PCP4: variants seen among roughly 807,000 people sequenced by gnomAD.
PCP4 encodes Purkinje cell protein 4.
In PCP4, 8 loss-of-function variants were observed where a neutral mutation model predicts 10.0. The observed-to-expected ratio is 0.80, with a 90% CI of 0.47 to 1.45. The LOEUF (loss-of-function observed/expected upper bound fraction) is 1.45, where lower values mean the gene tolerates loss of function less well. Ranked by LOEUF, PCP4 falls within the 40% of genes most tolerant of loss-of-function variation. The probability of loss-of-function intolerance (pLI) is 0.00; values close to 1 mark genes in which losing one functional copy is unlikely to be tolerated. For synonymous variants in PCP4, 21 were observed against 23.0 expected (o/e 0.91, Z 0.24); for missense variants, 54 against 74.4 (o/e 0.73, Z 1.01).
intron 1 of PCP4, among the ~76,000 whole-genome samples, chr21:39,885,895 A>T (rs1229208332): frequency 6.6e-6 from 1 of 152,210 alleles, no homozygotes; most frequent in Non-Finnish European, 1.5e-5. Context: ...ATAGTTCTGG[A>T]GACCAGAAGT....
chr21:39,887,454 A>T (rs2087406117), intron 1 of PCP4, among the ~76,000 whole-genome samples: 1 of 151,096 alleles, frequency 6.6e-6, no homozygotes. Flanking sequence ...TTGGAATGTT[A>T]TTAGGAGAAT....
chr21:39,925,798 C>T (rs2087618213), intron 2 of PCP4, among the ~76,000 whole-genome samples: 1 of 152,134 alleles, frequency 6.6e-6, no homozygotes, highest in Admixed American at 6.5e-5. Context: ...CAGGGCCACC[C>T]TGCTCCTGTG....
At chr21:39,911,615 A>G (rs2146344840) in intron 2 of PCP4, among the ~76,000 whole-genome samples, 1 of 152,342 alleles carries the variant, frequency 6.6e-6, no homozygotes, top group South Asian at 2.1e-4. Context: ...CCTGGTACCA[A>G]CCAAGCACTA....
intron 1 of PCP4, among the ~76,000 whole-genome samples, chr21:39,886,156 A>G (rs1298982585): frequency 6.6e-6 from 1 of 152,196 alleles, no homozygotes; most frequent in Non-Finnish European, 1.5e-5. Flanking sequence ...ACTGTGGGGT[A>G]CTTGGGGTTA....
At chr21:39,907,934 A>C (rs906389436) in intron 2 of PCP4, among the ~76,000 whole-genome samples, 2 of 152,210 alleles carry the variant, frequency 1.3e-5, no homozygotes, top group Non-Finnish European at 2.9e-5. Flanking sequence ...CCATTGTACC[A>C]AGTGCCTTTT....
At chr21:39,867,928 A>G (rs1035752394) in intron 1 of PCP4, among the ~76,000 whole-genome samples, 2 of 152,164 alleles carry the variant, frequency 1.3e-5, no homozygotes, top group African/African-American at 4.8e-5. Flanking sequence ...CAAGGTGGGG[A>G]AAGGGCTGGC....
chr21:39,873,360 A>C (rs141898846), intron 1 of PCP4, among the ~76,000 whole-genome samples: 244 of 152,344 alleles, frequency 1.6e-3, no homozygotes, highest in African/African-American at 5.7e-3. Context: ...ATTGCAAGGA[A>C]ATAATTTAAT....
chr21:39,912,666 C>T (rs953567048), intron 2 of PCP4, among the ~76,000 whole-genome samples: 4 of 152,072 alleles, frequency 2.6e-5, no homozygotes, highest in African/African-American at 4.8e-5. Flanking sequence ...TGCCATTTTC[C>T]GGGGTGATTC....
chr21:39,890,549 A>G lies in PCP4; in HGVS notation c.10-7927A>G, dbSNP rs568016081. Among the ~76,000 whole-genome samples the G allele has an allele frequency of 8.0e-5, 12 of 150,028 alleles. No individual in the cohort carries two copies. The South Asian group carries it at 2.6e-3, about 32-fold the overall frequency. On this transcript the variant is annotated intron_variant, in intron 1 of 2. Transcript: ENST00000328619. ...TTTTTTTTTTTTAATTTTCATTTTT[A>G]GTAGAGACGGGTTTTCACCATGTTG...
Position 39,906,998 on chromosome 21 carries a change from G to A in PCP4, c.61+8471G>A, listed in dbSNP as rs1601183990. The stretch of plus-strand genomic sequence containing the variant: ...ATAATCTTATTTATAGAATTAATGT[G>A]CACAGCAGGCAGTTTTTCAGAAGCA... On this transcript the variant is annotated intron_variant, in intron 2 of 2. Transcript: ENST00000328619. The surrounding 1 kb of genome is among the most constrained non-coding windows in gnomAD (Gnocchi z 6.3). Among the ~76,000 whole-genome samples the A allele has an allele frequency of 6.6e-6, 1 of 152,128 alleles. No homozygotes were observed.
Position 39,874,367 on chromosome 21 carries a change from G to A in PCP4, c.9+6857G>A, listed in dbSNP as rs561152006. The stretch of plus-strand genomic sequence containing the variant: ...TTTACGACGGTTTGATAGCAAAATG[G>A]GATCCAGATTGGCTTGAGATCACGC... On this transcript the variant is annotated intron_variant, in intron 1 of 2. Transcript: ENST00000328619. 2.8e-4 allele frequency among the ~76,000 whole-genome samples: 43 copies of A among 152,230 alleles called. No homozygotes were observed. The South Asian group carries it at 8.9e-3, about 32-fold the overall frequency.
chr21:39,875,207 A>T (rs2087339047), intron 1 of PCP4, among the ~76,000 whole-genome samples: 1 of 152,156 alleles, frequency 6.6e-6, no homozygotes, highest in South Asian at 2.1e-4. Flanking sequence ...TGTACCCAGC[A>T]AAATGACTAA....
intron 1 of PCP4, among the ~76,000 whole-genome samples, chr21:39,870,903 T>C (rs1384866919): frequency 1.3e-5 from 2 of 152,256 alleles, no homozygotes; most frequent in East Asian, 3.9e-4. Flanking sequence ...GCTGTGGCTC[T>C]TTCTTTCGTC....
rs1047636315 is a variant in PCP4, at chr21:39,887,651, A to G, written c.10-10825A>G. Among the ~76,000 whole-genome samples, 41 of 152,210 alleles carry G rather than the reference A, an allele frequency of 2.7e-4. 1 individual carries two copies. The highest frequency in any genetic ancestry group is 1.5e-5 in the Non-Finnish European group (1 of 68,038). ...CTTAATGATCGAGGTGGCCTCAAGCAGTCTTCAGCTACGTGCTTACCTGCC... is the reference window on the plus strand; with the variant it reads ...CTTAATGATCGAGGTGGCCTCAAGCGGTCTTCAGCTACGTGCTTACCTGCC... On this transcript the variant is annotated intron_variant, in intron 1 of 2. Transcript: ENST00000328619.
intron 1 of PCP4, among the ~76,000 whole-genome samples, chr21:39,874,328 A>C (rs1247391545): frequency 1.3e-5 from 2 of 152,198 alleles, no homozygotes; most frequent in African/African-American, 4.8e-5. Context: ...ACAACTTTTG[A>C]ATGTTAAATA....
At chr21:39,884,657 C>A (rs1037074825) in intron 1 of PCP4, among the ~76,000 whole-genome samples, 2 of 151,644 alleles carry the variant, frequency 1.3e-5, no homozygotes, top group African/African-American at 4.8e-5. Flanking sequence ...GTTAGCCAGG[C>A]GTGGTGGCAT....
chr21:39,918,939 A>G (rs1424340805), intron 2 of PCP4, among the ~76,000 whole-genome samples: 1 of 152,210 alleles, frequency 6.6e-6, no homozygotes, highest in Non-Finnish European at 1.5e-5. Flanking sequence ...GGCATTTCAT[A>G]AAGTGTGATG....
At chr21:39,910,349 G>A (rs2087533673) in intron 2 of PCP4, among the ~76,000 whole-genome samples, 1 of 152,048 alleles carries the variant, frequency 6.6e-6, no homozygotes, top group African/African-American at 2.4e-5. Flanking sequence ...AATCATCGTG[G>A]GACCATGATC....
intron 1 of PCP4, among the ~76,000 whole-genome samples, chr21:39,887,690 CA>C (rs779911117): frequency 1.3e-5 from 2 of 151,216 alleles, no homozygotes. Flanking sequence ...CTGTTGATGC[CA>C]TTTCACTGTG....
Sources: allele counts gnomAD v4.1 joint callset (sites outside exome capture counted in the v4.1 genomes callset), GRCh38; gene constraint gnomAD v4.1.1; non-coding constraint Gnocchi (gnomAD v3.1); transcripts MANE v1.5; gene names NCBI Gene and HGNC (gene_info 2026-07-23, HGNC 2026-07-21).